Variants in PLCD1 observed in about 807,000 individuals in gnomAD.
PLCD1 encodes phospholipase C delta 1, also known as 1-phosphatidylinositol 4,5-bisphosphate phosphodiesterase delta-1.
A neutral mutation model predicts 87.4 loss-of-function variants in PLCD1; 71 were observed. The ratio of observed to expected loss-of-function variants is 0.81; its 90% CI spans 0.67 to 0.99. The LOEUF is 0.99. PLCD1 is among the 50% of genes least tolerant of loss of function. The pLI is 0.00. For missense variants in PLCD1, 867 were observed against 1,001.5 expected, an observed-to-expected ratio of 0.87 and a Z score of 1.81; for synonymous variants, 348 against 399.2, an observed-to-expected ratio of 0.87 and a Z score of 1.53.
intron 1 of PLCD1, among the ~76,000 whole-genome samples, chr3:38,028,585 A>T (rs1164404867): frequency 6.6e-6 from 1 of 152,194 alleles, no homozygotes; most frequent in Admixed American, 6.5e-5. Context: ...ACTAAAAAAG[A>T]GAGGGATATA....
chr3:38,009,178 G>A lies in PLCD1; in HGVS notation c.1607-20C>T, dbSNP rs754431740. On this transcript the variant is annotated intron_variant, in intron 10 of 14. Coordinates refer to ENST00000334661, the MANE Select transcript of PLCD1 (RefSeq NM_006225.4). ...CGTTTCCTGAGGGGAGGTGTGGTTC[G>A]GTCAGCAGTGGAGGCCTCCTGGTGA... 60 of 1,612,834 alleles carry A rather than the reference G, an allele frequency of 3.7e-5. No homozygotes were observed. Among genetic ancestry groups the A allele is most frequent in the Middle Eastern group, 1.6e-4 (1 of 6,078 alleles).
At chr3:38,010,736 C>T (rs1294952046) in intron 5 of PLCD1, among the ~76,000 whole-genome samples, 174 bp from the exon 6 acceptor site, 3 of 152,300 alleles carry the variant, frequency 2.0e-5, no homozygotes, top group East Asian at 1.9e-4. Flanking sequence ...ACTGTGGCTA[C>T]TCCAGAGTGG....
chr3:38,007,804 G>A lies in PLCD1; in HGVS notation c.2240C>T (p.Thr747Ile), dbSNP rs777250106. 1 of 1,614,188 alleles carries A rather than the reference G, an allele frequency of 6.2e-7. No individual in the cohort carries two copies. ...SKNGDQHPSA[T>I]LFVKISLQD ...CTGGAGGGAGATCTTCACAAAGAGG[G>A]TGGCTGATGGATGCTGGTCCCCGTT... Residue 747 changes from threonine (T) to isoleucine (I), a missense_variant, in exon 15 of 15, where the codon ACC becomes ATC. By Grantham distance (89) the Thr-to-Ile change is moderately conservative. Transcript: ENST00000334661.
Position 38,010,008 on chromosome 3 carries a change from G to A in PLCD1, c.1183C>T (p.Leu395=). The A allele has an allele frequency of 1.9e-6, 3 of 1,614,184 alleles. No individual in the cohort carries two copies. Among genetic ancestry groups the A allele is most frequent in the Non-Finnish European group, 2.5e-6 (3 of 1,180,002 alleles). ...VILSLENHCT[L]EQQRVMARHL... ...CGCGCCATCACGCGCTGCTGCTCCA[G>A]TGTGCAGTGGTTCTCCAGGGATAGG... is the stretch of plus-strand genomic sequence containing the variant. The change falls in exon 8 of 15, where the codon CTG becomes TTG. Residue 395 remains leucine, a synonymous_variant. Coordinates refer to ENST00000334661, the MANE Select transcript of PLCD1 (RefSeq NM_006225.4).
At chr3:38,029,035 T>C (rs945581689) in intron 1 of PLCD1, among the ~76,000 whole-genome samples, 2 of 152,256 alleles carry the variant, frequency 1.3e-5, no homozygotes, top group Admixed American at 1.3e-4. Context: ...CCCCACCCGC[T>C]TAGCCCCTGC....
At chr3:38,013,491 G>A (rs573465392) in intron 3 of PLCD1, among the ~76,000 whole-genome samples, 67 of 152,360 alleles carry the variant, frequency 4.4e-4, no homozygotes, top group Middle Eastern at 3.4e-3. Context: ...GGGATTACAG[G>A]CGTGAGCCAC....
chr3:38,022,502 G>C (rs1009484204), intron 1 of PLCD1, among the ~76,000 whole-genome samples: 1 of 152,238 alleles, frequency 6.6e-6, no homozygotes, highest in Non-Finnish European at 1.5e-5. Flanking sequence ...AGCATGTATG[G>C]GAATGGAGCT....
chr3:38,010,635 C>T lies in PLCD1; in HGVS notation c.791-73G>A, dbSNP rs1700058274. On this transcript the variant is annotated intron_variant, in intron 5 of 14. Transcript: ENST00000334661. Reference sequence around the variant, plus strand: ...GCTCCTGGCTGCCCACCCATCTGGACAGAGGAGCCCTCTGAACCCGCTTGC... The same window carrying T: ...GCTCCTGGCTGCCCACCCATCTGGATAGAGGAGCCCTCTGAACCCGCTTGC... The T allele has an allele frequency of 4.7e-6, 6 of 1,282,004 alleles. No individual in the cohort carries two copies. In the South Asian group the frequency reaches 6.6e-5, roughly 14 times the overall value. 79.4% of individuals were successfully genotyped at this position (1,282,004 alleles called of 1,614,324 possible). A position where few individuals can be genotyped will look rare whatever the true frequency, so the allele number is the denominator to read the frequency against.
At chr3:38,009,518 C>G in intron 9 of PLCD1, 87 bp from the exon 10 acceptor site, 2 of 1,561,584 alleles carry the variant, frequency 1.3e-6, no homozygotes, top group Admixed American at 1.7e-5. Context: ...CGCAGAGAGA[C>G]AGAGGGAGAC....
intron 1 of PLCD1, among the ~76,000 whole-genome samples, chr3:38,027,046 G>C (rs1017936155): frequency 2.0e-5 from 3 of 152,168 alleles, no homozygotes; most frequent in African/African-American, 7.2e-5. Flanking sequence ...ATGTCCTTTG[G>C]GGCACATCGG....
Position 38,023,007 on chromosome 3 carries a change from G to A in PLCD1, c.35-2655C>T, listed in dbSNP as rs966096541. On this transcript the variant is annotated intron_variant, in intron 1 of 14. Transcript: ENST00000334661. ...TCTCCTCCTGTGGGAGGGTCGTGGC[G>A]AGGAGACTTTGAGCTGACCCTGGGT... is the stretch of plus-strand genomic sequence containing the variant. 2.9e-4 allele frequency among the ~76,000 whole-genome samples: 44 copies of A among 152,238 alleles called. No homozygotes were observed. In the Middle Eastern group the frequency reaches 0.01, roughly 35 times the overall value.
rs71323649 is a variant in PLCD1 at position 38,010,070 on chromosome 3, A to G, written c.1138-17T>C. On this transcript the variant is annotated splice_polypyrimidine_tract_variant and intron_variant, in intron 7 of 14. Coordinates refer to ENST00000334661, the MANE Select transcript of PLCD1 (RefSeq NM_006225.4). ...GGGGGACGCCTGGAGGCCCAAGGGC[A>G]CATTAGGAGTGGTGGGCCACCCCTA... 0.018 allele frequency: 29,662 copies of G among 1,614,178 alleles called. 352 individuals are homozygous for G. The highest frequency in any genetic ancestry group is 0.021 in the Non-Finnish European group (25,212 of 1,179,980).
chr3:38,009,944 CG>C lies in PLCD1; in HGVS notation c.1246del (p.Arg416AspfsTer16). ...GCTGTTGGTGACCCCATCCAGTGGT[CG>C]GTTCAACAGCATGGGGCCCAGGATG... is the stretch of plus-strand genomic sequence containing the variant. ...HAILGPMLLN[R>X]PLDGVTNSLP... On this transcript the variant is annotated frameshift_variant, in exon 8 of 15. Transcript: ENST00000334661. LOFTEE classifies it high-confidence loss of function. 6.2e-7 allele frequency: 1 copy of C among 1,612,962 alleles called. No homozygotes were observed.
intron 3 of PLCD1, among the ~76,000 whole-genome samples, chr3:38,013,062 G>T (rs1233769659): frequency 6.6e-6 from 1 of 151,712 alleles, no homozygotes; most frequent in Non-Finnish European, 1.5e-5. Context: ...GCTAATTTTT[G>T]TATTTTTTGG....
chr3:38,027,441 GACAC>G (rs772516447), intron 1 of PLCD1, among the ~76,000 whole-genome samples: 5 of 152,220 alleles, frequency 3.3e-5, no homozygotes, highest in Admixed American at 6.5e-5. Context: ...TGAGGAAACT[GACAC>G]ACAGGGAAGT....
chr3:38,009,225 A>G (rs1315627314), intron 10 of PLCD1, 47 bp downstream of exon 10: 1 of 1,613,348 alleles, frequency 6.2e-7, no homozygotes, highest in Admixed American at 1.7e-5. Flanking sequence ...TGCCCTGCCA[A>G]TTCTCTCTGT....
chr3:38,012,425 T>A (rs1457091728), intron 3 of PLCD1, among the ~76,000 whole-genome samples: 1 of 152,120 alleles, frequency 6.6e-6, no homozygotes, highest in East Asian at 1.9e-4. Flanking sequence ...TAAACTTGAC[T>A]TTTTTCACCT....
intron 10 of PLCD1, 44 bp from the exon 11 acceptor site, chr3:38,009,202 G>A (rs751720257): frequency 1.2e-6 from 2 of 1,612,702 alleles, no homozygotes; most frequent in Admixed American, 3.3e-5. Flanking sequence ...GCCTCCTGGT[G>A]AGGCCCAAGC....
chr3:38,024,344 C>G (rs901700961), intron 1 of PLCD1: 4 of 1,612,884 alleles, frequency 2.5e-6, no homozygotes, highest in Non-Finnish European at 3.4e-6. Flanking sequence ...TACCCAGCCT[C>G]CGTCCATTGA....
Sources: allele counts gnomAD v4.1 joint callset (sites outside exome capture counted in the v4.1 genomes callset), GRCh38; gene constraint gnomAD v4.1.1; transcripts MANE v1.5; gene names NCBI Gene and HGNC (gene_info 2026-07-23, HGNC 2026-07-21).